CEP57: variants seen among roughly 807,000 people sequenced by gnomAD.
CEP57 encodes the protein centrosomal protein of 57 kDa.
In CEP57, 40 loss-of-function variants were observed where a neutral mutation model predicts 68.0. The ratio of observed to expected loss-of-function variants is 0.59; its 90% CI spans 0.46 to 0.77. The LOEUF is 0.77. Ranked by LOEUF, CEP57 falls within the 30% of genes least tolerant of loss-of-function variation. The pLI, the probability that CEP57 is intolerant of heterozygous loss-of-function variation, is 0.00. For missense variants in CEP57, 606 were observed against 580.7 expected, an observed-to-expected ratio of 1.04 and a Z score of -0.45; for synonymous variants, 219 against 198.7, an observed-to-expected ratio of 1.10 and a Z score of -0.86.
intron 2 of CEP57, among the ~76,000 whole-genome samples, chr11:95,804,338 T>C (rs1262025448): frequency 1.3e-5 from 2 of 152,106 alleles, no homozygotes; most frequent in Non-Finnish European, 2.9e-5. Flanking sequence ...AGAAATAAAA[T>C]GAGTTTCAAG....
intron 2 of CEP57, among the ~76,000 whole-genome samples, chr11:95,809,354 G>A (rs1404196777): frequency 2.0e-5 from 3 of 152,164 alleles, no homozygotes; most frequent in Admixed American, 2.0e-4. Flanking sequence ...ACTAAGATCA[G>A]AGCAGAACTG....
chr11:95,822,043 C>T (rs1352450057), intron 7 of CEP57, 65 bp downstream of exon 7: 1 of 1,056,382 alleles, frequency 9.5e-7, no homozygotes, highest in African/African-American at 1.6e-5. Context: ...TCAAAACACC[C>T]ATAAACTGTG....
intron 1 of CEP57, among the ~76,000 whole-genome samples, chr11:95,791,591 G>A (rs935219529): frequency 1.3e-5 from 2 of 152,204 alleles, no homozygotes; most frequent in African/African-American, 4.8e-5. Context: ...GAAAAACACT[G>A]AAGAGAAACT....
chr11:95,807,820 C>T (rs1348892778), intron 2 of CEP57, among the ~76,000 whole-genome samples: 1 of 152,148 alleles, frequency 6.6e-6, no homozygotes, highest in Non-Finnish European at 1.5e-5. Context: ...GGACAACTTC[C>T]CCAATCTAGG....
intron 1 of CEP57, among the ~76,000 whole-genome samples, chr11:95,791,043 C>T (rs898253469): frequency 4.6e-5 from 7 of 152,240 alleles, no homozygotes; most frequent in Non-Finnish European, 1.0e-4. Flanking sequence ...TAACTGCCCA[C>T]TCCCTGGCCT....
intron 8 of CEP57, chr11:95,827,274 CCTGGATGTACA>C (rs748410174): frequency 3.3e-4 from 52 of 156,368 alleles, no homozygotes; most frequent in Non-Finnish European, 4.8e-4. Context: ...GTGTCTACCA[CCTGGATGTACA>C]CTGTTTAATA....
At chr11:95,805,313 A>G (rs1194489823) in intron 2 of CEP57, among the ~76,000 whole-genome samples, 4 of 152,168 alleles carry the variant, frequency 2.6e-5, no homozygotes, top group African/African-American at 9.7e-5. Context: ...CTTTATTATT[A>G]ATCTTATATT....
rs911319908 is a variant in CEP57, at chr11:95,820,546, A to G, written c.700-1325A>G. On this transcript the variant is annotated intron_variant, in intron 6 of 10. Coordinates refer to ENST00000325542, the MANE Select transcript of CEP57 (RefSeq NM_014679.5). ...GTGGAAGTTGCACTGAGTTGAGATC[A>G]CACCACCTGCATTCCATCCTGGGCA... Among the ~76,000 whole-genome samples, 62 of 145,872 alleles carry G rather than the reference A, an allele frequency of 4.3e-4. 1 individual carries two copies. The highest frequency in any genetic ancestry group is 1.5e-3 in the African/African-American group (61 of 39,758).
intron 2 of CEP57, among the ~76,000 whole-genome samples, chr11:95,809,208 T>C (rs535250291): frequency 1.3e-5 from 2 of 152,064 alleles, no homozygotes; most frequent in East Asian, 1.9e-4. Context: ...AAGCAGTGTG[T>C]AGAGGGAAAT....
intron 1 of CEP57, among the ~76,000 whole-genome samples, chr11:95,796,108 T>G (rs1591044700): frequency 1.3e-5 from 2 of 152,350 alleles, no homozygotes; most frequent in Middle Eastern, 6.8e-3. Flanking sequence ...TTGAGTTTTA[T>G]CTAGGTAATA....
At chr11:95,796,542 T>C (rs1436453937) in intron 1 of CEP57, among the ~76,000 whole-genome samples, 3 of 152,344 alleles carry the variant, frequency 2.0e-5, no homozygotes, top group Non-Finnish European at 4.4e-5. Context: ...TTATAAGTAA[T>C]GTGCAGTTTC....
chr11:95,815,530 A>G (rs1862264392), intron 4 of CEP57, among the ~76,000 whole-genome samples: 1 of 151,976 alleles, frequency 6.6e-6, no homozygotes, highest in African/African-American at 2.4e-5. Flanking sequence ...TGGGAACTTA[A>G]TAAAGAAAAG....
At chr11:95,808,773 C>G (rs1037160695) in intron 2 of CEP57, among the ~76,000 whole-genome samples, 1 of 152,196 alleles carries the variant, frequency 6.6e-6, no homozygotes. Flanking sequence ...TAACACCCCA[C>G]TGTCAACATT....
chr11:95,790,437 C>T (rs183612996), upstream of CEP57: 1,250 of 572,664 alleles, frequency 2.2e-3, 3 homozygotes, highest in Admixed American at 3.3e-3. Context: ...TTCTCTCCTA[C>T]TACAGAAAGA....
chr11:95,810,597 A>G (rs193203265), intron 2 of CEP57, among the ~76,000 whole-genome samples: 4 of 152,210 alleles, frequency 2.6e-5, no homozygotes, highest in African/African-American at 4.8e-5. Context: ...CTCATTCACA[A>G]TTGCTTCAAA....
Position 95,821,954 on chromosome 11 carries a change from AAAG to A in CEP57, c.787_789del (p.Lys263del), listed in dbSNP as rs1245010502. 1.9e-6 allele frequency: 3 copies of A among 1,612,594 alleles called. No individual in the cohort carries two copies. The South Asian group carries it at 3.3e-5, about 18-fold the overall frequency. The stretch of plus-strand genomic sequence containing the variant: ...TTCCCAATGCAAGAAGAATTAAAAA[AAAG>A]AAGTCAAAACCACCAGAAAAGGTGT... On this transcript the variant is annotated inframe_deletion, in exon 7 of 11. Transcript: ENST00000325542.
intron 2 of CEP57, among the ~76,000 whole-genome samples, chr11:95,805,144 G>A (rs1459623821): frequency 4.6e-5 from 7 of 152,180 alleles, no homozygotes; most frequent in Admixed American, 1.3e-4. Context: ...ATAATTTAAT[G>A]AAGGAGTGCA....
At chr11:95,828,763 TA>T (rs1393543958) in intron 9 of CEP57, among the ~76,000 whole-genome samples, 1 of 152,154 alleles carries the variant, frequency 6.6e-6, no homozygotes, top group Non-Finnish European at 1.5e-5. Context: ...TATTTTTAAT[TA>T]AAAATTTCTT....
At chr11:95,825,088 GTC>G (rs1862683205) in intron 8 of CEP57, among the ~76,000 whole-genome samples, 1 of 152,154 alleles carries the variant, frequency 6.6e-6, no homozygotes, top group African/African-American at 2.4e-5. Flanking sequence ...AACACAGTGT[GTC>G]TAATTCACCC....
Sources: allele counts gnomAD v4.1 joint callset (sites outside exome capture counted in the v4.1 genomes callset), GRCh38; gene constraint gnomAD v4.1.1; transcripts MANE v1.5; gene names NCBI Gene and HGNC (gene_info 2026-07-23, HGNC 2026-07-21).